Variants in COX7B2 observed in about 807,000 individuals in gnomAD.
COX7B2 encodes cytochrome c oxidase subunit 7B2.
For synonymous variants in COX7B2, 37 were observed against 32.1 expected, an observed-to-expected ratio of 1.15 and a Z score of -0.51; for missense variants, 109 against 95.9, an observed-to-expected ratio of 1.14 and a Z score of -0.57.
chr4:46,844,314 C>T (rs925070346), intron 2 of COX7B2, among the ~76,000 whole-genome samples: 1 of 151,824 alleles, frequency 6.6e-6, no homozygotes. Flanking sequence ...TTCCCAAATT[C>T]GGCTTTCAAG....
intron 2 of COX7B2, among the ~76,000 whole-genome samples, chr4:46,748,287 C>A (rs1715143019): frequency 6.6e-6 from 1 of 152,038 alleles, no homozygotes; most frequent in Non-Finnish European, 1.5e-5. Flanking sequence ...CTGGCAATGA[C>A]CAAAAATATT....
chr4:46,865,551 C>G (rs1382201138), intron 1 of COX7B2, among the ~76,000 whole-genome samples: 1 of 152,084 alleles, frequency 6.6e-6, no homozygotes, highest in East Asian at 1.9e-4. Flanking sequence ...TTCTCTTCTT[C>G]TTGATCATAA....
At chr4:46,860,129 G>C (rs1313594753) in intron 1 of COX7B2, among the ~76,000 whole-genome samples, 1 of 152,166 alleles carries the variant, frequency 6.6e-6, no homozygotes, top group Non-Finnish European at 1.5e-5. Flanking sequence ...TGGTAAGATG[G>C]TGAGATGGCA....
At chr4:46,902,268 G>A (rs1720111753) in intron 1 of COX7B2, among the ~76,000 whole-genome samples, 1 of 152,162 alleles carries the variant, frequency 6.6e-6, no homozygotes, top group Admixed American at 6.5e-5. Flanking sequence ...TTCTTCTAAA[G>A]TCGACGATCA....
At chr4:46,814,246 C>T (rs1161577103) in intron 2 of COX7B2, among the ~76,000 whole-genome samples, 1 of 152,184 alleles carries the variant, frequency 6.6e-6, no homozygotes, top group Non-Finnish European at 1.5e-5. Flanking sequence ...TGTCATTGAA[C>T]ACCAAACTTG....
At position 46,787,985 on chromosome 4, in the gene COX7B2, C is replaced by T. The variant is rs182825582; in HGVS notation, c.-49-52744G>A. 1.2e-3 allele frequency among the ~76,000 whole-genome samples: 185 copies of T among 152,262 alleles called. 1 individual carries two copies. The highest frequency in any genetic ancestry group is 4.2e-3 in the African/African-American group (175 of 41,540). On this transcript the variant is annotated intron_variant, in intron 2 of 2. Transcript: ENST00000355591. ...CATGTATGGCCTCTGATCCCCAACT[C>T]CTTCCTCTATAGCTTTCTTGTATGT...
intron 2 of COX7B2, among the ~76,000 whole-genome samples, chr4:46,779,521 C>A (rs1717328267): frequency 6.6e-6 from 1 of 152,078 alleles, no homozygotes; most frequent in Non-Finnish European, 1.5e-5. Flanking sequence ...ATGGTGGTTT[C>A]ATTTCCTTTG....
intron 2 of COX7B2, among the ~76,000 whole-genome samples, chr4:46,840,644 T>C (rs1316863354): frequency 1.3e-5 from 2 of 152,044 alleles, no homozygotes; most frequent in African/African-American, 2.4e-5. Context: ...AACGTCTTTA[T>C]ATTTTTCATT....
Position 46,804,410 on chromosome 4 carries a change from G to A in COX7B2, c.-50+40550C>T, listed in dbSNP as rs183700643. 7.2e-5 allele frequency among the ~76,000 whole-genome samples: 11 copies of A among 152,252 alleles called. No individual in the cohort carries two copies. The East Asian group carries it at 7.7e-4, about 11-fold the overall frequency. ...TGATTGGTCCATTTTACAAAGAGCC[G>A]ATTGGTCTGTTTTAGAGAGAGCTGA... On this transcript the variant is annotated intron_variant, in intron 2 of 2. Coordinates refer to ENST00000355591, the MANE Select transcript of COX7B2 (RefSeq NM_130902.3).
chr4:46,892,828 C>T (rs1719509846), intron 1 of COX7B2, among the ~76,000 whole-genome samples: 1 of 152,162 alleles, frequency 6.6e-6, no homozygotes, highest in Non-Finnish European at 1.5e-5. Context: ...TTGTAGTTCC[C>T]ATAAGTGTCG....
At position 46,740,125 on chromosome 4, in the gene COX7B2, T is replaced by C. The variant is rs187144507; in HGVS notation, c.-49-4884A>G. On this transcript the variant is annotated intron_variant, in intron 2 of 2. Coordinates refer to ENST00000355591, the MANE Select transcript of COX7B2 (RefSeq NM_130902.3). ...GTTCTGCATTTTAGCTGCAAAGGTA[T>C]ATAGCAATTATTTGCCCTGGGTTAA... Among the ~76,000 whole-genome samples, 825 of 152,230 alleles carry C rather than the reference T, an allele frequency of 5.4e-3. 33 individuals are homozygous for C. Among genetic ancestry groups the C allele is most frequent in the Admixed American group, 0.047 (717 of 15,264 alleles).
intron 2 of COX7B2, among the ~76,000 whole-genome samples, chr4:46,786,683 A>T (rs1247250258): frequency 2.0e-5 from 3 of 152,202 alleles, no homozygotes; most frequent in African/African-American, 7.2e-5. Context: ...ATGTGAAAGT[A>T]GCCTGAAGAA....
intron 1 of COX7B2, among the ~76,000 whole-genome samples, chr4:46,875,566 A>G (rs1359500366): frequency 6.6e-6 from 1 of 152,066 alleles, no homozygotes; most frequent in Non-Finnish European, 1.5e-5. Context: ...ATCATGTCAC[A>G]ATCTTGTGCA....
At chr4:46,872,356 A>G (rs2109826791) in intron 1 of COX7B2, among the ~76,000 whole-genome samples, 1 of 152,142 alleles carries the variant, frequency 6.6e-6, no homozygotes, top group African/African-American at 2.4e-5. Flanking sequence ...AGGAGCAGAA[A>G]ACGTAACTAT....
At chr4:46,812,761 G>A (rs566924653) in intron 2 of COX7B2, among the ~76,000 whole-genome samples, 1 of 152,222 alleles carries the variant, frequency 6.6e-6, no homozygotes, top group Admixed American at 6.5e-5. Flanking sequence ...TGATTCCCTG[G>A]GACTAAAGGC....
intron 1 of COX7B2, among the ~76,000 whole-genome samples, chr4:46,872,702 T>G (rs897956628): frequency 6.6e-6 from 1 of 152,160 alleles, no homozygotes; most frequent in Non-Finnish European, 1.5e-5. Context: ...AGAATCTGAG[T>G]GCATGTCTTT....
chr4:46,825,363 C>G (rs1009279543), intron 2 of COX7B2, among the ~76,000 whole-genome samples: 2 of 151,992 alleles, frequency 1.3e-5, no homozygotes, highest in Non-Finnish European at 2.9e-5. Flanking sequence ...TTACAAAACA[C>G]TGCTCAACTA....
At chr4:46,784,090 C>T (rs548337938) in intron 2 of COX7B2, among the ~76,000 whole-genome samples, 107 of 152,232 alleles carry the variant, frequency 7.0e-4, no homozygotes, top group South Asian at 1.9e-3. Context: ...ACATCAGTTA[C>T]GTCACAACTC....
intron 2 of COX7B2, among the ~76,000 whole-genome samples, chr4:46,750,630 C>T (rs546848445): frequency 3.9e-5 from 6 of 152,054 alleles, no homozygotes; most frequent in Admixed American, 1.3e-4. Flanking sequence ...TCTTTGATAC[C>T]ACTTCTTCAG....
Sources: allele counts gnomAD v4.1 joint callset (sites outside exome capture counted in the v4.1 genomes callset), GRCh38; gene constraint gnomAD v4.1.1; transcripts MANE v1.5; gene names NCBI Gene and HGNC (gene_info 2026-07-23, HGNC 2026-07-21).